The following SLC2A9 variants were observed in gnomAD, a reference collection of about 807,000 sequenced individuals.
SLC2A9 encodes the protein solute carrier family 2 member 9.
Under a neutral mutation model 50.6 loss-of-function variants are expected in SLC2A9, and 39 were observed. That is an observed-to-expected ratio of 0.77 (90% CI 0.60 to 1.01). The LOEUF (loss-of-function observed/expected upper bound fraction) is 1.01, where lower values mean the gene tolerates loss of function less well. SLC2A9 is among the 50% of genes least tolerant of loss of function. SLC2A9 has a pLI of 0.00. For missense variants in SLC2A9, 686 were observed against 677.6 expected (o/e 1.01, Z -0.14); for synonymous variants, 324 against 276.9 (o/e 1.17, Z -1.69).
chr4:10,018,923 A>C, intron 2 of SLC2A9, 52 bp downstream of exon 2: 1 of 1,528,094 alleles, frequency 6.5e-7, no homozygotes, highest in Middle Eastern at 2.3e-4. Context: ...TGCGCACCCG[A>C]AGGTTTCCGC....
chr4:9,899,121 C>G (rs894100140), intron 8 of SLC2A9, among the ~76,000 whole-genome samples: 1 of 152,222 alleles, frequency 6.6e-6, no homozygotes, highest in African/African-American at 2.4e-5. Context: ...AATGTAAATG[C>G]TGGGGCAAGA....
intron 6 of SLC2A9, among the ~76,000 whole-genome samples, chr4:9,925,088 C>T (rs1434644256): frequency 6.6e-6 from 1 of 152,216 alleles, no homozygotes; most frequent in African/African-American, 2.4e-5. Context: ...AGGCTCCCCC[C>T]ATCTCTCTTG....
At chr4:9,925,616 T>A (rs1744753222) in intron 6 of SLC2A9, among the ~76,000 whole-genome samples, 1 of 152,208 alleles carries the variant, frequency 6.6e-6, no homozygotes, top group South Asian at 2.1e-4. Flanking sequence ...AAAATCAATG[T>A]GTGTTAAGTG....
rs1022731649 is a variant in SLC2A9 at position 9,996,699 on chromosome 4, T to A, written c.410+82A>T. On this transcript the variant is annotated intron_variant, in intron 3 of 11. Coordinates refer to ENST00000264784, the MANE Select transcript of SLC2A9 (RefSeq NM_020041.3). ...GTTGAACTGCCTGAGTGGAGTTCTGTTGCCTGTCAGGACCCTGACAATGAC... is the reference window on the plus strand; with the variant it reads ...GTTGAACTGCCTGAGTGGAGTTCTGATGCCTGTCAGGACCCTGACAATGAC... 4.0e-5 allele frequency: 61 copies of A among 1,531,954 alleles called. No individual in the cohort carries two copies. In the East Asian group the frequency reaches 1.4e-3, roughly 36 times the overall value. The allele number at this position is 1,531,954 out of a possible 1,614,324, so 94.9% of individuals were successfully genotyped here. A position where few individuals can be genotyped will look rare whatever the true frequency, so the allele number is the denominator to read the frequency against.
At chr4:10,011,449 T>A (rs767646670) in intron 2 of SLC2A9, among the ~76,000 whole-genome samples, 3 of 152,190 alleles carry the variant, frequency 2.0e-5, no homozygotes, top group Non-Finnish European at 2.9e-5. Flanking sequence ...CTGGCAATCA[T>A]CCCAGATGAT....
At chr4:9,806,968 C>T (rs1722204142) in intron 3 of SLC2A9, among the ~76,000 whole-genome samples, 1 of 152,150 alleles carries the variant, frequency 6.6e-6, no homozygotes, top group South Asian at 2.1e-4. Flanking sequence ...CTCCTGAGTC[C>T]CCTTCTCAGC....
intron 3 of SLC2A9, among the ~76,000 whole-genome samples, chr4:9,817,989 G>A (rs902755996): frequency 6.6e-6 from 1 of 152,168 alleles, no homozygotes; most frequent in Non-Finnish European, 1.5e-5. Context: ...ACTGTTTTGA[G>A]TGACTGCCTT....
At chr4:9,850,647 C>T (rs1729734645) in intron 10 of SLC2A9, among the ~76,000 whole-genome samples, 1 of 152,112 alleles carries the variant, frequency 6.6e-6, no homozygotes, top group African/African-American at 2.4e-5. Context: ...TGGTGTGCAC[C>T]AGCTCACCCA....
At position 9,916,833 on chromosome 4, in the gene SLC2A9, A is replaced by G. The variant is rs16890933; in HGVS notation, c.1002+3552T>C. On this transcript the variant is annotated intron_variant, in intron 7 of 11. Transcript: ENST00000264784. The stretch of plus-strand genomic sequence containing the variant: ...GGGCTTGACAATTGGTATTGATCCA[A>G]TTTTCAGCCCAAGAACTCCCTATCT... Among the ~76,000 whole-genome samples the G allele has an allele frequency of 4.7e-3, 718 of 152,250 alleles. 8 individuals are homozygous for G. Among genetic ancestry groups the G allele is most frequent in the African/African-American group, 0.017 (696 of 41,548 alleles).
At chr4:9,804,874 AG>A (rs1363902759) in intron 3 of SLC2A9, among the ~76,000 whole-genome samples, 1 of 152,108 alleles carries the variant, frequency 6.6e-6, no homozygotes, top group Non-Finnish European at 1.5e-5. Flanking sequence ...AGACTTTAAC[AG>A]GGGGAAGTAG....
upstream of SLC2A9, among the ~76,000 whole-genome samples, chr4:10,022,638 C>A (rs1056389274): frequency 1.3e-5 from 2 of 152,176 alleles, no homozygotes; most frequent in Non-Finnish European, 2.9e-5. Flanking sequence ...GAATGCAGAA[C>A]GTCCAGGAGG....
chr4:9,783,488 G>T (rs1431576151), intron 3 of SLC2A9: 6 of 1,574,626 alleles, frequency 3.8e-6, no homozygotes, highest in African/African-American at 1.4e-5. Context: ...CCCCCTCATG[G>T]ATCTGCATAA....
chr4:9,956,434 C>G (rs28538404), intron 5 of SLC2A9, among the ~76,000 whole-genome samples: 6,821 of 151,932 alleles, frequency 0.045, 487 homozygotes, highest in African/African-American at 0.15. Context: ...GAGCCAAGAT[C>G]GTGCCACTAC....
intron 3 of SLC2A9, among the ~76,000 whole-genome samples, chr4:9,799,692 A>ACCCTCCC (rs59100769): frequency 1.4e-5 from 1 of 69,812 alleles, no homozygotes; most frequent in Non-Finnish European, 2.7e-5. Context: ...TTCCAATTGT[A>ACCCTCCC]CCCCCCCCCC....
intron 3 of SLC2A9, chr4:9,783,284 A>AC (rs1323469484): frequency 6.2e-7 from 1 of 1,614,104 alleles, no homozygotes; most frequent in South Asian, 1.1e-5. Context: ...CAACGCCGTT[A>AC]CCCCCGGCAA....
upstream of SLC2A9, among the ~76,000 whole-genome samples, chr4:10,023,708 C>T (rs1237205410): frequency 3.9e-5 from 6 of 152,204 alleles, no homozygotes; most frequent in Non-Finnish European, 1.5e-5. Flanking sequence ...ACTACATGTG[C>T]ACAGCTCATG....
intron 10 of SLC2A9, among the ~76,000 whole-genome samples, chr4:9,877,394 G>A (rs1734479690): frequency 2.0e-5 from 3 of 152,314 alleles, no homozygotes; most frequent in East Asian, 1.9e-4. Flanking sequence ...CTGCCCCCCT[G>A]GCAGGAGATT....
At chr4:9,889,792 T>C (rs1490250443) in intron 9 of SLC2A9, among the ~76,000 whole-genome samples, 6 of 152,236 alleles carry the variant, frequency 3.9e-5, no homozygotes, top group Non-Finnish European at 7.3e-5. Flanking sequence ...CAAGATGAGT[T>C]GGAGGTACTG....
chr4:9,941,408 G>T (rs991465923), intron 6 of SLC2A9, among the ~76,000 whole-genome samples: 3 of 152,302 alleles, frequency 2.0e-5, no homozygotes, highest in Admixed American at 2.0e-4. Flanking sequence ...TGTTGGCAAG[G>T]TCCTGTGGGT....
Sources: gnomAD v4.1 joint callset for allele counts (sites outside exome capture counted in the v4.1 genomes callset) on GRCh38, gnomAD v4.1.1 for gene constraint, MANE v1.5 for transcripts, NCBI Gene and HGNC (gene_info 2026-07-23, HGNC 2026-07-21) for gene names.